Variants in ADAMTS17 observed in about 807,000 individuals in gnomAD.
ADAMTS17 encodes the protein A disintegrin and metalloproteinase with thrombospondin motifs 17.
A neutral mutation model predicts 141.5 loss-of-function variants in ADAMTS17; 113 were observed. That is an observed-to-expected ratio of 0.80 (90% CI 0.69 to 0.93). The LOEUF (loss-of-function observed/expected upper bound fraction) is 0.93. ADAMTS17 is among the 40% of genes least tolerant of loss of function. The pLI is 0.00. For missense variants in ADAMTS17, 1,659 were observed against 1,517.9 expected (o/e 1.09, Z -1.54); for synonymous variants, 768 against 630.6 (o/e 1.22, Z -3.27).
At chr15:100,133,508 T>A (rs936611921) in intron 10 of ADAMTS17, among the ~76,000 whole-genome samples, 193 bp from the exon 11 acceptor site, 13 of 152,112 alleles carry the variant, frequency 8.5e-5, no homozygotes, top group Non-Finnish European at 1.0e-4. Flanking sequence ...CTCAACAAAA[T>A]TCTGTGCATC....
intron 10 of ADAMTS17, among the ~76,000 whole-genome samples, chr15:100,144,323 G>A (rs759424090): frequency 3.0e-4 from 45 of 152,022 alleles, no homozygotes; most frequent in Non-Finnish European, 3.8e-4. Context: ...AGGCTGAGGC[G>A]GGTGGATCAC....
At chr15:100,220,280 T>C (rs2042092018) in intron 7 of ADAMTS17, among the ~76,000 whole-genome samples, 1 of 152,160 alleles carries the variant, frequency 6.6e-6, no homozygotes, top group African/African-American at 2.4e-5. Flanking sequence ...CACCAGCGCC[T>C]CCTGTGTCTT....
chr15:100,281,482 C>T (rs920234589), intron 3 of ADAMTS17, 81 bp from the exon 4 acceptor site: 1 of 1,532,272 alleles, frequency 6.5e-7, no homozygotes, highest in East Asian at 2.4e-5. Flanking sequence ...TTCTGTCAAG[C>T]CTGCCCGAGA....
At chr15:100,013,551 A>G (rs2061228123) in intron 18 of ADAMTS17, among the ~76,000 whole-genome samples, 1 of 152,198 alleles carries the variant, frequency 6.6e-6, no homozygotes, top group African/African-American at 2.4e-5. Context: ...ACATTGAGGT[A>G]TGTCCCTCGC....
chr15:100,036,607 G>C (rs141410961), intron 18 of ADAMTS17, among the ~76,000 whole-genome samples: 29 of 152,334 alleles, frequency 1.9e-4, no homozygotes, highest in Middle Eastern at 3.4e-3. Flanking sequence ...TAATAGCTTT[G>C]AGACATAACT....
intron 8 of ADAMTS17, among the ~76,000 whole-genome samples, chr15:100,183,015 G>A (rs1414414221): frequency 1.3e-5 from 2 of 151,812 alleles, no homozygotes. Flanking sequence ...TTGAGACAGA[G>A]TCTCGCACTG....
intron 8 of ADAMTS17, among the ~76,000 whole-genome samples, chr15:100,193,843 G>A (rs2041013190): frequency 6.6e-6 from 1 of 152,228 alleles, no homozygotes; most frequent in African/African-American, 2.4e-5. Flanking sequence ...AGGGACGGCA[G>A]GGGAAACCCG....
At chr15:100,157,797 C>T (rs975636597) in intron 8 of ADAMTS17, among the ~76,000 whole-genome samples, 4 of 152,116 alleles carry the variant, frequency 2.6e-5, no homozygotes, top group South Asian at 2.1e-4. Context: ...GTCCTCATGC[C>T]TCAGTGTCAG....
chr15:100,094,873 G>A (rs2035668226), intron 15 of ADAMTS17, among the ~76,000 whole-genome samples: 1 of 152,170 alleles, frequency 6.6e-6, no homozygotes, highest in Non-Finnish European at 1.5e-5. Context: ...CATTAAGTAT[G>A]TCAAAACCAG....
chr15:100,212,289 C>G (rs1757254304), intron 7 of ADAMTS17, among the ~76,000 whole-genome samples: 4 of 152,070 alleles, frequency 2.6e-5, no homozygotes. Flanking sequence ...GACTCTGCCC[C>G]CAGGGAATGT....
At chr15:100,120,986 A>G (rs1230614124) in intron 12 of ADAMTS17, among the ~76,000 whole-genome samples, 1 of 152,254 alleles carries the variant, frequency 6.6e-6, no homozygotes, top group African/African-American at 2.4e-5. Context: ...CAGGAAGACA[A>G]TCTATAAACA....
At position 100,019,823 on chromosome 15, in the gene ADAMTS17, C is replaced by G. The variant is rs1406505109; in HGVS notation, c.2592-22234G>C. 7.2e-5 allele frequency among the ~76,000 whole-genome samples: 11 copies of G among 152,274 alleles called. No homozygotes were observed. In the East Asian group the frequency reaches 2.1e-3, roughly 29 times the overall value. On this transcript the variant is annotated intron_variant, in intron 18 of 21. Coordinates refer to ENST00000268070, the MANE Select transcript of ADAMTS17 (RefSeq NM_139057.4). ...AGCAGCAGCTGCCGTGGTTCTGAGC[C>G]TAAGCTCCAACAGCCAGATGCCCAT... is the stretch of plus-strand genomic sequence containing the variant.
At chr15:99,977,375 TA>T (rs1567632161) in intron 20 of ADAMTS17, among the ~76,000 whole-genome samples, 271 of 19,758 alleles carry the variant, frequency 0.014, 31 homozygotes, top group Non-Finnish European at 0.022. Flanking sequence ...TATATATATA[TA>T]TATATATATA....
intron 7 of ADAMTS17, among the ~76,000 whole-genome samples, chr15:100,228,185 T>C (rs553425152): frequency 3.3e-4 from 50 of 152,360 alleles, no homozygotes; most frequent in Admixed American, 7.8e-4. Flanking sequence ...AATCTTTACA[T>C]GGCTGACTCC....
chr15:100,004,905 GC>G (rs2061009048), intron 18 of ADAMTS17, among the ~76,000 whole-genome samples: 1 of 152,184 alleles, frequency 6.6e-6, no homozygotes, highest in Non-Finnish European at 1.5e-5. Context: ...ATAGACATGA[GC>G]AACCACACCC....
intron 18 of ADAMTS17, among the ~76,000 whole-genome samples, chr15:100,013,754 A>C (rs2061233415): frequency 6.6e-6 from 1 of 152,176 alleles, no homozygotes; most frequent in African/African-American, 2.4e-5. Flanking sequence ...ATGGTAGATT[A>C]TCTTTTTGAT....
chr15:100,037,556 G>A (rs942917656), intron 18 of ADAMTS17, among the ~76,000 whole-genome samples: 25 of 151,578 alleles, frequency 1.6e-4, no homozygotes, highest in African/African-American at 6.1e-4. Flanking sequence ...CTACAGACAT[G>A]CACCACCACA....
At chr15:100,075,147 T>C (rs1270600614) in intron 15 of ADAMTS17, among the ~76,000 whole-genome samples, 1 of 152,198 alleles carries the variant, frequency 6.6e-6, no homozygotes, top group Non-Finnish European at 1.5e-5. Context: ...ATGAGAATAA[T>C]TATGGTGCAT....
chr15:100,004,690 G>A (rs542986625), intron 18 of ADAMTS17, among the ~76,000 whole-genome samples: 26 of 146,746 alleles, frequency 1.8e-4, no homozygotes, highest in Admixed American at 3.5e-4. Flanking sequence ...GCGCAATCTC[G>A]GCGCACTGCA....
Sources: gnomAD v4.1 joint callset for allele counts (sites outside exome capture counted in the v4.1 genomes callset) on GRCh38, gnomAD v4.1.1 for gene constraint, MANE v1.5 for transcripts, NCBI Gene and HGNC (gene_info 2026-07-23, HGNC 2026-07-21) for gene names.